Variants in NRXN1 observed in about 807,000 individuals in gnomAD.
NRXN1 encodes the protein neurexin 1.
Under a neutral mutation model 150.9 loss-of-function variants are expected in NRXN1, and 39 were observed. That is an observed-to-expected ratio of 0.26 (90% CI 0.20 to 0.34). The LOEUF (loss-of-function observed/expected upper bound fraction) is 0.34. NRXN1 is among the 10% of genes least tolerant of loss of function. NRXN1 has a pLI of 1.00. For missense variants in NRXN1, 1,815 were observed against 1,949.9 expected (o/e 0.93, Z 1.30); for synonymous variants, 924 against 757.0 (o/e 1.22, Z -3.62).
chr2:50,247,793 C>T (rs2066647761), intron 17 of NRXN1, among the ~76,000 whole-genome samples: 1 of 152,024 alleles, frequency 6.6e-6, no homozygotes, highest in South Asian at 2.1e-4. Flanking sequence ...GGACAACTGG[C>T]AAGGTTTGAT....
chr2:50,530,818 T>C (rs545766716), intron 11 of NRXN1, among the ~76,000 whole-genome samples: 25 of 152,182 alleles, frequency 1.6e-4, no homozygotes, highest in Non-Finnish European at 3.7e-4. Context: ...AAAGCAGAAA[T>C]TTGATATTTT....
intron 15 of NRXN1, among the ~76,000 whole-genome samples, chr2:50,494,879 A>C (rs148550715): frequency 1.5e-4 from 23 of 151,934 alleles, no homozygotes; most frequent in African/African-American, 4.8e-4. Context: ...CTAAAACACA[A>C]AATTAGCCGG....
intron 2 of NRXN1, among the ~76,000 whole-genome samples, chr2:50,986,919 C>T (rs558230887): frequency 4.0e-5 from 6 of 151,748 alleles, no homozygotes; most frequent in African/African-American, 1.4e-4. Context: ...AAAAACAGCA[C>T]CCTGAAATCT....
intron 21 of NRXN1, among the ~76,000 whole-genome samples, chr2:50,032,168 T>C (rs1689270653): frequency 6.6e-6 from 1 of 152,098 alleles, no homozygotes; most frequent in East Asian, 1.9e-4. Context: ...AATATGATTC[T>C]AAATATACTG....
chr2:49,944,626 T>C (rs1348924764), intron 21 of NRXN1, among the ~76,000 whole-genome samples: 1 of 152,192 alleles, frequency 6.6e-6, no homozygotes, highest in Non-Finnish European at 1.5e-5. Flanking sequence ...CGAAAAGTTG[T>C]TCTTTATTGC....
At chr2:50,395,320 C>G (rs920666587) in intron 17 of NRXN1, among the ~76,000 whole-genome samples, 1 of 151,402 alleles carries the variant, frequency 6.6e-6, no homozygotes, top group Non-Finnish European at 1.5e-5. Context: ...TACCTCACAT[C>G]AAAAAGTGCT....
At chr2:50,593,043 T>C (rs1674545585) in intron 8 of NRXN1, among the ~76,000 whole-genome samples, 1 of 152,218 alleles carries the variant, frequency 6.6e-6, no homozygotes, top group Non-Finnish European at 1.5e-5. Context: ...CTCTTTCCTC[T>C]CCCTTCACCT....
At chr2:49,945,635 G>GTGTT (rs1461801283) in intron 21 of NRXN1, among the ~76,000 whole-genome samples, 1 of 152,064 alleles carries the variant, frequency 6.6e-6, no homozygotes, top group Non-Finnish European at 1.5e-5. Flanking sequence ...AGAATATGCA[G>GTGTT]TGTTTGATTT....
In NRXN1 at chr2:50,183,313, G is replaced by C. The variant is rs1461288038; in HGVS notation, c.3546+53476C>G. ...TTTCAAAGGTTTATTATACCACAGGGTTCATATTTAGCAGCTGTCAATTTG... is the reference window on the plus strand; with the variant it reads ...TTTCAAAGGTTTATTATACCACAGGCTTCATATTTAGCAGCTGTCAATTTG... On this transcript the variant is annotated intron_variant, in intron 18 of 22. Transcript: ENST00000401669. 3.3e-5 allele frequency among the ~76,000 whole-genome samples: 5 copies of C among 151,972 alleles called. No homozygotes were observed. In the East Asian group the frequency reaches 7.7e-4, roughly 23 times the overall value.
intron 21 of NRXN1, among the ~76,000 whole-genome samples, chr2:49,952,166 C>A (rs1046192151): frequency 6.6e-6 from 1 of 152,026 alleles, no homozygotes; most frequent in African/African-American, 2.4e-5. Context: ...TCCCAGATGA[C>A]TTCTACCTAT....
intron 5 of NRXN1, among the ~76,000 whole-genome samples, chr2:50,798,096 T>C (rs1469567823): frequency 6.6e-6 from 1 of 152,154 alleles, no homozygotes; most frequent in South Asian, 2.1e-4. Flanking sequence ...GCTTAATTAT[T>C]AGGAATAATC....
chr2:50,639,592 T>G (rs1017971805), intron 5 of NRXN1, among the ~76,000 whole-genome samples: 2 of 152,248 alleles, frequency 1.3e-5, no homozygotes, highest in East Asian at 3.9e-4. Context: ...GATGGAAATA[T>G]TCATTCTGTA....
At chr2:50,504,933 A>C (rs1004983232) in intron 13 of NRXN1, among the ~76,000 whole-genome samples, 48 of 152,146 alleles carry the variant, frequency 3.2e-4, no homozygotes, top group African/African-American at 1.2e-3. Flanking sequence ...CCTTTCTTTA[A>C]AGCCTAGATC....
chr2:50,525,563 A>G (rs1221495989), intron 12 of NRXN1, among the ~76,000 whole-genome samples: 1 of 152,224 alleles, frequency 6.6e-6, no homozygotes, highest in Non-Finnish European at 1.5e-5. Context: ...CAAATTGTAG[A>G]TAAACATATT....
chr2:50,839,704 T>C (rs1462759876), intron 5 of NRXN1, among the ~76,000 whole-genome samples: 1 of 152,126 alleles, frequency 6.6e-6, no homozygotes, highest in East Asian at 1.9e-4. Flanking sequence ...ATGCTGAGTA[T>C]AGGATAATAA....
At chr2:50,752,373 T>C (rs528060839) in intron 5 of NRXN1, among the ~76,000 whole-genome samples, 4 of 152,110 alleles carry the variant, frequency 2.6e-5, no homozygotes, top group African/African-American at 7.2e-5. Flanking sequence ...TTATTTAACA[T>C]ATAAACATGT....
intron 17 of NRXN1, among the ~76,000 whole-genome samples, chr2:50,257,844 A>G (rs2152906797): frequency 6.6e-6 from 1 of 152,046 alleles, no homozygotes; most frequent in Admixed American, 6.6e-5. Flanking sequence ...GATAAAATTA[A>G]AATATAAAAC....
chr2:50,880,233 A>C (rs536836381), intron 5 of NRXN1, among the ~76,000 whole-genome samples: 1 of 151,980 alleles, frequency 6.6e-6, no homozygotes, highest in Admixed American at 6.6e-5. Flanking sequence ...TTAAAACTTT[A>C]TATGTTGGCA....
At chr2:50,864,624 A>G (rs1559367180) in intron 5 of NRXN1, among the ~76,000 whole-genome samples, 1 of 152,054 alleles carries the variant, frequency 6.6e-6, no homozygotes, top group African/African-American at 2.4e-5. Flanking sequence ...TAATACTGCC[A>G]TATCACAAAA....
Sources: gnomAD v4.1 joint callset for allele counts (sites outside exome capture counted in the v4.1 genomes callset) on GRCh38, gnomAD v4.1.1 for gene constraint, MANE v1.5 for transcripts, NCBI Gene and HGNC (gene_info 2026-07-23, HGNC 2026-07-21) for gene names.